SLC25A26: variants seen among roughly 807,000 people sequenced by gnomAD.
The protein encoded by SLC25A26 is solute carrier family 25 member 26, also known as mitochondrial S-adenosylmethionine carrier protein.
In SLC25A26, 36 loss-of-function variants were observed where a neutral mutation model predicts 37.8. The observed-to-expected ratio is 0.95, with a 90% CI of 0.73 to 1.26. The LOEUF (loss-of-function observed/expected upper bound fraction) is 1.26. Ranked by LOEUF, SLC25A26 falls within the 50% of genes most tolerant of loss-of-function variation. SLC25A26 has a pLI of 0.00. For synonymous variants in SLC25A26, 129 were observed against 122.5 expected, an observed-to-expected ratio of 1.05 and a Z score of -0.35; for missense variants, 390 against 331.1, an observed-to-expected ratio of 1.18 and a Z score of -1.38.
intron 1 of SLC25A26, among the ~76,000 whole-genome samples, chr3:66,188,740 A>T (rs2070878901): frequency 6.6e-6 from 1 of 152,034 alleles, no homozygotes. Flanking sequence ...GGACTAAGAC[A>T]CTGACCTGGT....
chr3:66,229,836 A>G (rs1387589336), intron 1 of SLC25A26, among the ~76,000 whole-genome samples: 1 of 151,994 alleles, frequency 6.6e-6, no homozygotes, highest in Non-Finnish European at 1.5e-5. Flanking sequence ...TAGAACCATT[A>G]TTATTGTATT....
At chr3:66,158,360 G>T (rs2070312380) in intron 1 of SLC25A26, among the ~76,000 whole-genome samples, 1 of 152,112 alleles carries the variant, frequency 6.6e-6, no homozygotes, top group South Asian at 2.1e-4. Flanking sequence ...ATCAACTGAT[G>T]GAAATTTGGG....
intron 5 of SLC25A26, among the ~76,000 whole-genome samples, chr3:66,313,065 A>G (rs977052051): frequency 2.0e-5 from 3 of 151,262 alleles, no homozygotes; most frequent in Non-Finnish European, 4.4e-5. Context: ...ATTTTCTTCC[A>G]CTCTGTAGGT....
chr3:66,264,135 A>C (rs1163980457), intron 5 of SLC25A26, among the ~76,000 whole-genome samples: 2 of 151,750 alleles, frequency 1.3e-5, no homozygotes, highest in Non-Finnish European at 2.9e-5. Flanking sequence ...AAATTAGCCA[A>C]GTGGTGGGCA....
intron 5 of SLC25A26, among the ~76,000 whole-genome samples, chr3:66,300,966 G>A (rs775467279): frequency 9.2e-5 from 14 of 152,146 alleles, no homozygotes; most frequent in Non-Finnish European, 1.5e-4. Flanking sequence ...TGGGAATTAC[G>A]GCATTGAAAA....
chr3:66,280,367 T>C (rs1240749540), intron 5 of SLC25A26, among the ~76,000 whole-genome samples: 2 of 152,192 alleles, frequency 1.3e-5, no homozygotes, highest in Admixed American at 1.3e-4. Flanking sequence ...AACTGAGTAA[T>C]TGGAAAGTAA....
At chr3:66,220,833 A>C, upstream of SLC25A26, 2 of 554,630 alleles carry the variant, frequency 3.6e-6, no homozygotes, top group African/African-American at 2.0e-5. Context: ...GTCTAGCTGC[A>C]CACAACGCTG....
Position 66,287,574 on chromosome 3 carries a change from A to G in SLC25A26, c.453+24195A>G, listed in dbSNP as rs1168947340. 2.0e-5 allele frequency among the ~76,000 whole-genome samples: 3 copies of G among 152,250 alleles called. No homozygotes were observed. The South Asian group carries it at 6.2e-4, about 32-fold the overall frequency. ...AATATAGTTACTATTACTTCCTTAT[A>G]TAGATTGTGCCATTAGTTTTTAAAA... On this transcript the variant is annotated intron_variant, in intron 5 of 9. Transcript: ENST00000354883.
intron 1 of SLC25A26, among the ~76,000 whole-genome samples, chr3:66,184,543 CCAGA>C (rs1296811559): frequency 4.5e-5 from 1 of 22,084 alleles, no homozygotes; most frequent in Admixed American, 3.3e-4. Context: ...TTTAGCTGGG[CCAGA>C]CACTCATCCT....
chr3:66,302,867 G>C (rs989284589), intron 5 of SLC25A26, among the ~76,000 whole-genome samples: 4 of 152,156 alleles, frequency 2.6e-5, no homozygotes, highest in African/African-American at 9.7e-5. Context: ...GGGAGCACAG[G>C]TGGTGCACGC....
At chr3:66,148,622 C>T (rs891943205) in intron 1 of SLC25A26, among the ~76,000 whole-genome samples, 1 of 152,358 alleles carries the variant, frequency 6.6e-6, no homozygotes. Context: ...GCTGACAGCA[C>T]ATTGTGAAGA....
chr3:66,296,849 G>T (rs905322625), intron 5 of SLC25A26, among the ~76,000 whole-genome samples: 12 of 152,202 alleles, frequency 7.9e-5, no homozygotes, highest in African/African-American at 2.9e-4. Flanking sequence ...AAAGGTGCAG[G>T]ACCAAGAGGG....
intron 3 of SLC25A26, among the ~76,000 whole-genome samples, chr3:66,253,032 C>CA (rs1021042735): frequency 6.7e-6 from 1 of 148,640 alleles, no homozygotes; most frequent in African/African-American, 2.5e-5. Flanking sequence ...TGCCCCCCCC[C>CA]CCCCATAAAT....
At position 66,319,325 on chromosome 3, in the gene SLC25A26, G is replaced by A. The variant is rs4856980; in HGVS notation, c.454-27039G>A. On this transcript the variant is annotated intron_variant, in intron 5 of 9. Coordinates refer to ENST00000354883, the MANE Select transcript of SLC25A26 (RefSeq NM_001379210.1). The stretch of plus-strand genomic sequence containing the variant: ...GCCAGAGACAAGTAAGATTATGTTC[G>A]TTGGGAAATTCATATTATGGCTACG... Among the ~76,000 whole-genome samples, 5,499 of 151,942 alleles carry A rather than the reference G, an allele frequency of 0.036. 969 individuals are homozygous for A. In the East Asian group the frequency reaches 0.53, roughly 15 times the overall value.
rs185010905 is a variant in SLC25A26, at chr3:66,369,347, G to A, written c.569-131G>A. The A allele has an allele frequency of 2.2e-5, 16 of 717,082 alleles. No individual in the cohort carries two copies. In the East Asian group the frequency reaches 3.8e-4, roughly 17 times the overall value. 44.4% of individuals were successfully genotyped at this position (717,082 alleles called of 1,614,324 possible). On this transcript the variant is annotated intron_variant, in intron 7 of 9. Transcript: ENST00000354883. ...GCGTGTGGATAAAGATTGTGCATGTGTGCATCCTGTTCTTCAATCAGCCAG... is the reference window on the plus strand; with the variant it reads ...GCGTGTGGATAAAGATTGTGCATGTATGCATCCTGTTCTTCAATCAGCCAG...
At chr3:66,273,015 C>G (rs332344) in intron 5 of SLC25A26, among the ~76,000 whole-genome samples, 53,830 of 151,998 alleles carry the variant, frequency 0.35, 12,993 homozygotes, top group African/African-American at 0.69. Flanking sequence ...GTTTTTGAAT[C>G]TTGTCAAAGG....
chr3:66,281,741 A>G (rs896151658), intron 5 of SLC25A26, among the ~76,000 whole-genome samples: 10 of 151,262 alleles, frequency 6.6e-5, no homozygotes, highest in African/African-American at 2.2e-4. Context: ...TATTCTTTTG[A>G]TACTTAAACT....
intron 5 of SLC25A26, among the ~76,000 whole-genome samples, chr3:66,283,770 A>T (rs2074420620): frequency 6.6e-6 from 1 of 152,218 alleles, no homozygotes; most frequent in African/African-American, 2.4e-5. Flanking sequence ...CCAGAAAATA[A>T]ATTTATTTGC....
intron 1 of SLC25A26, among the ~76,000 whole-genome samples, chr3:66,230,466 C>T (rs951274218): frequency 2.0e-5 from 3 of 151,620 alleles, no homozygotes; most frequent in Admixed American, 6.6e-5. Context: ...GGGGTGGAGG[C>T]GATGGTGGTT....
Sources: allele counts gnomAD v4.1 joint callset (sites outside exome capture counted in the v4.1 genomes callset), GRCh38; gene constraint gnomAD v4.1.1; transcripts MANE v1.5; gene names NCBI Gene and HGNC (gene_info 2026-07-23, HGNC 2026-07-21).